The following NAV2 variants were observed in gnomAD, a reference collection of about 807,000 sequenced individuals.
NAV2 encodes helicase, APC down-regulated 1.
In NAV2, 54 loss-of-function variants were observed where a neutral mutation model predicts 223.2. The ratio of observed to expected loss-of-function variants is 0.24; its 90% CI spans 0.19 to 0.30. NAV2 has a LOEUF of 0.30. NAV2 is among the 10% of genes least tolerant of loss of function. NAV2 has a pLI of 1.00. For synonymous variants in NAV2, 1,279 were observed against 1,239.3 expected (o/e 1.03, Z -0.67); for missense variants, 2,806 against 3,147.5 (o/e 0.89, Z 2.60).
chr11:20,085,997 A>C (rs1385236909), intron 26 of NAV2, among the ~76,000 whole-genome samples: 1 of 152,232 alleles, frequency 6.6e-6, no homozygotes, highest in African/African-American at 2.4e-5. Flanking sequence ...TGACCCAAAA[A>C]ATAAATAACA....
chr11:19,634,515 A>G (rs1377588177), intron 1 of NAV2, among the ~76,000 whole-genome samples: 1 of 152,208 alleles, frequency 6.6e-6, no homozygotes, highest in Non-Finnish European at 1.5e-5. Context: ...GTAAAAAGAA[A>G]AGGAACAACC....
At chr11:19,814,688 C>A (rs2059003034) in intron 1 of NAV2, among the ~76,000 whole-genome samples, 1 of 152,108 alleles carries the variant, frequency 6.6e-6, no homozygotes, top group South Asian at 2.1e-4. Context: ...TGGTCTTGAA[C>A]TCCTGAGCTT....
At chr11:19,834,702 A>T (rs78890901) in intron 2 of NAV2, among the ~76,000 whole-genome samples, 2,453 of 152,184 alleles carry the variant, frequency 0.016, 60 homozygotes, top group African/African-American at 0.056. Flanking sequence ...CTACCTGAAA[A>T]CTTCCCAGGT....
At chr11:19,908,398 A>T (rs757136780) in intron 6 of NAV2, among the ~76,000 whole-genome samples, 1 of 151,980 alleles carries the variant, frequency 6.6e-6, no homozygotes, top group Non-Finnish European at 1.5e-5. Context: ...CCTCTTCCTC[A>T]TCCTCACTGG....
intron 11 of NAV2, among the ~76,000 whole-genome samples, chr11:20,011,026 C>T (rs558362906): frequency 9.8e-5 from 15 of 152,306 alleles, no homozygotes; most frequent in African/African-American, 3.4e-4. Context: ...TAGTCTCTTC[C>T]TCTCCGCAGG....
intron 1 of NAV2, among the ~76,000 whole-genome samples, chr11:19,596,708 A>G (rs1332798936): frequency 6.6e-6 from 1 of 152,206 alleles, no homozygotes; most frequent in Non-Finnish European, 1.5e-5. Flanking sequence ...CACAGCTTTC[A>G]TTATTACAAA....
At chr11:19,483,346 C>A (rs1027688055) in intron 1 of NAV2, among the ~76,000 whole-genome samples, 14 of 152,208 alleles carry the variant, frequency 9.2e-5, no homozygotes, top group Non-Finnish European at 1.5e-5. Context: ...GTAGATGCCA[C>A]CCACCCATTG....
chr11:19,507,178 G>A (rs539854024), intron 1 of NAV2: 1 of 152,310 alleles, frequency 6.6e-6, no homozygotes, highest in African/African-American at 2.4e-5. Context: ...TCATGAACAA[G>A]TACATACATA....
intron 19 of NAV2, chr11:20,056,618 G>T: frequency 6.2e-7 from 1 of 1,612,062 alleles, no homozygotes; most frequent in Non-Finnish European, 8.5e-7. Context: ...ATCACGCAAG[G>T]TATGAGTTAG....
At chr11:19,877,922 A>G (rs1160171267) in intron 4 of NAV2, among the ~76,000 whole-genome samples, 5 of 152,144 alleles carry the variant, frequency 3.3e-5, no homozygotes, top group Admixed American at 3.3e-4. Context: ...TGTGATTCTC[A>G]TGTACCACTG....
At chr11:19,940,965 G>GA (rs2046350678) in intron 8 of NAV2, among the ~76,000 whole-genome samples, 1 of 152,148 alleles carries the variant, frequency 6.6e-6, no homozygotes, top group Non-Finnish European at 1.5e-5. Flanking sequence ...ATGGCTGCTC[G>GA]AGTCTCCATG....
rs2062896818 is a variant in NAV2 at position 20,114,575 on chromosome 11, T to C, written c.6961-17T>C. 1.2e-6 allele frequency: 2 copies of C among 1,613,398 alleles called. No individual in the cohort carries two copies. Among genetic ancestry groups the C allele is most frequent in the African/African-American group, 2.7e-5 (2 of 75,008 alleles). ...TCTGGGCCACTTCCAGACTGTTCCTTCTTTGCCTGTTTTCAGCTCTATGGA... is the reference window on the plus strand; with the variant it reads ...TCTGGGCCACTTCCAGACTGTTCCTCCTTTGCCTGTTTTCAGCTCTATGGA... On this transcript the variant is annotated splice_polypyrimidine_tract_variant and intron_variant, in intron 36 of 37. Coordinates refer to ENST00000349880, the MANE Select transcript of NAV2 (RefSeq NM_145117.5).
chr11:20,056,026 G>A (rs1307890918), intron 19 of NAV2, 69 bp downstream of exon 19: 1 of 1,440,064 alleles, frequency 6.9e-7, no homozygotes, highest in Non-Finnish European at 9.4e-7. Context: ...GTAGTTAAGG[G>A]TCCTCTATGC....
At chr11:19,605,471 G>A (rs1253738275) in intron 1 of NAV2, among the ~76,000 whole-genome samples, 1 of 151,104 alleles carries the variant, frequency 6.6e-6, no homozygotes, top group Admixed American at 6.6e-5. Flanking sequence ...ATATACTGCA[G>A]GAAAATAATG....
At chr11:19,964,236 T>C (rs2048568492) in intron 10 of NAV2, among the ~76,000 whole-genome samples, 1 of 152,138 alleles carries the variant, frequency 6.6e-6, no homozygotes, top group African/African-American at 2.4e-5. Flanking sequence ...GTAGCTATTT[T>C]AGAAGCTGAC....
intron 6 of NAV2, among the ~76,000 whole-genome samples, chr11:19,927,488 A>G (rs955891145): frequency 9.2e-5 from 14 of 152,354 alleles, no homozygotes; most frequent in African/African-American, 3.1e-4. Flanking sequence ...AGGCTGAGGC[A>G]GCAGACTTGC....
intron 3 of NAV2, among the ~76,000 whole-genome samples, chr11:19,865,789 A>G (rs1399211551): frequency 1.3e-5 from 2 of 152,210 alleles, no homozygotes; most frequent in African/African-American, 2.4e-5. Context: ...TCTTTAGAAG[A>G]AAACAATGGT....
intron 1 of NAV2, among the ~76,000 whole-genome samples, chr11:19,470,390 A>G (rs954748390): frequency 2.0e-5 from 3 of 152,222 alleles, no homozygotes; most frequent in African/African-American, 7.2e-5. Flanking sequence ...AATACCTGAG[A>G]CTGGGTAATT....
At chr11:20,077,156 T>A (rs1482850724) in intron 22 of NAV2, among the ~76,000 whole-genome samples, 2 of 152,214 alleles carry the variant, frequency 1.3e-5, no homozygotes, top group Non-Finnish European at 2.9e-5. Flanking sequence ...CATGTATTTT[T>A]AACTATGATA....
Sources: allele counts gnomAD v4.1 joint callset (sites outside exome capture counted in the v4.1 genomes callset), GRCh38; gene constraint gnomAD v4.1.1; transcripts MANE v1.5; gene names NCBI Gene and HGNC (gene_info 2026-07-23, HGNC 2026-07-21).